Variants in ADAM12 observed in about 807,000 individuals in gnomAD.
The protein encoded by ADAM12 is ADAM metallopeptidase domain 12.
A neutral mutation model predicts 106.4 loss-of-function variants in ADAM12; 70 were observed. The observed-to-expected ratio is 0.66, with a 90% CI of 0.54 to 0.80. The LOEUF (loss-of-function observed/expected upper bound fraction) is 0.80, where lower values mean the gene tolerates loss of function less well. ADAM12 is among the 30% of genes least tolerant of loss of function. ADAM12 has a pLI of 0.00. For missense variants in ADAM12, 1,010 were observed against 1,171.9 expected (o/e 0.86, Z 2.02); for synonymous variants, 420 against 433.5 (o/e 0.97, Z 0.39).
chr10:126,237,818 C>T (rs1022913008), intron 3 of ADAM12, among the ~76,000 whole-genome samples: 1 of 152,210 alleles, frequency 6.6e-6, no homozygotes, highest in Non-Finnish European at 1.5e-5. Flanking sequence ...TGCAAATCCT[C>T]TCTCCAGCCC....
At chr10:126,212,299 G>A (rs1368222066) in intron 3 of ADAM12, among the ~76,000 whole-genome samples, 2 of 152,184 alleles carry the variant, frequency 1.3e-5, no homozygotes, top group Non-Finnish European at 2.9e-5. Flanking sequence ...GGGTTAATTA[G>A]AATTTGGAAA....
chr10:126,198,880 AGAG>A lies in ADAM12; in HGVS notation c.261-43578_261-43576del, dbSNP rs554112458. Among the ~76,000 whole-genome samples the A allele has an allele frequency of 1.7e-3, 253 of 152,334 alleles. 1 individual carries two copies. The highest frequency in any genetic ancestry group is 5.8e-3 in the African/African-American group (243 of 41,586). Reference sequence around the variant, plus strand: ...AGAAACTCCCAGCTGTGGTGAGAAAAGAGGAGAACATTTTTCAAGAGGGGAAGA... The same window carrying A: ...AGAAACTCCCAGCTGTGGTGAGAAAAGAGAACATTTTTCAAGAGGGGAAGA... On this transcript the variant is annotated intron_variant, in intron 3 of 22. Transcript: ENST00000448723.
chr10:126,218,107 A>G (rs1326375023), intron 3 of ADAM12, among the ~76,000 whole-genome samples: 1 of 151,754 alleles, frequency 6.6e-6, no homozygotes, highest in African/African-American at 2.4e-5. Context: ...TAGGAATAAC[A>G]GTGACATGAT....
chr10:126,122,417 G>A (rs1317686079), intron 5 of ADAM12, among the ~76,000 whole-genome samples: 1 of 152,092 alleles, frequency 6.6e-6, no homozygotes, highest in East Asian at 1.9e-4. Flanking sequence ...AGGTAGGAGA[G>A]GATTTTTGTT....
intron 9 of ADAM12, 107 bp downstream of exon 9, chr10:126,100,965 G>C: frequency 8.1e-7 from 1 of 1,232,116 alleles, no homozygotes; most frequent in South Asian, 1.5e-5. Flanking sequence ...GCACAAGGCA[G>C]TGTGCTCTGC....
At chr10:126,027,414 AT>A (rs1953894607) in intron 21 of ADAM12, among the ~76,000 whole-genome samples, 1 of 139,672 alleles carries the variant, frequency 7.2e-6, no homozygotes, top group Non-Finnish European at 1.6e-5. Flanking sequence ...CCTGGGAGAG[AT>A]AAAAAAAAAC....
At chr10:126,329,818 T>G (rs1195202745) in intron 2 of ADAM12, among the ~76,000 whole-genome samples, 2 of 152,250 alleles carry the variant, frequency 1.3e-5, no homozygotes, top group Non-Finnish European at 2.9e-5. Flanking sequence ...AGAGCTCATA[T>G]TTCCATAGAT....
At chr10:126,204,942 C>T (rs889791907) in intron 3 of ADAM12, among the ~76,000 whole-genome samples, 2 of 152,204 alleles carry the variant, frequency 1.3e-5, no homozygotes, top group South Asian at 2.1e-4. Flanking sequence ...ATGAGAACCA[C>T]GTTTGCCAAG....
chr10:126,330,541 A>C, intron 1 of ADAM12, 32 bp from the exon 2 acceptor site: 10 of 1,580,154 alleles, frequency 6.3e-6, no homozygotes, highest in African/African-American at 1.4e-5. Context: ...CCTATATTTC[A>C]CTCTAGTCAG....
At chr10:126,246,534 C>T (rs1444533854) in intron 3 of ADAM12, among the ~76,000 whole-genome samples, 1 of 152,200 alleles carries the variant, frequency 6.6e-6, no homozygotes, top group Admixed American at 6.5e-5. Context: ...AGCTTATCCA[C>T]CACAATCAAG....
chr10:126,230,010 C>T (rs1451935543), intron 3 of ADAM12, among the ~76,000 whole-genome samples: 1 of 152,160 alleles, frequency 6.6e-6, no homozygotes, highest in Non-Finnish European at 1.5e-5. Context: ...TTGGCCAATT[C>T]CTACCTGCCC....
intron 3 of ADAM12, among the ~76,000 whole-genome samples, chr10:126,226,135 A>G (rs766467737): frequency 1.1e-4 from 16 of 139,514 alleles, no homozygotes; most frequent in Non-Finnish European, 2.5e-4. Context: ...GTTAAAGGTG[A>G]CGGCCCAGCA....
intron 21 of ADAM12, among the ~76,000 whole-genome samples, chr10:126,022,827 C>A (rs1590295923): frequency 6.6e-6 from 1 of 152,194 alleles, no homozygotes; most frequent in African/African-American, 2.4e-5. Flanking sequence ...TAACTTCTTC[C>A]AGATATTGAA....
rs577815986 is a variant in ADAM12, at chr10:126,029,968, T to C, written c.2529+6178A>G. Among the ~76,000 whole-genome samples the C allele has an allele frequency of 9.8e-5, 15 of 152,316 alleles. No homozygotes were observed. The Middle Eastern group carries it at 0.01, about 104-fold the overall frequency. ...TCAAATTTCTAAATGCATATGACTTTTGCACAGCAATTGTGCTTTCAGGAA... is the reference window on the plus strand; with the variant it reads ...TCAAATTTCTAAATGCATATGACTTCTGCACAGCAATTGTGCTTTCAGGAA... On this transcript the variant is annotated intron_variant, in intron 21 of 22. Coordinates refer to ENST00000448723, the MANE Select transcript of ADAM12 (RefSeq NM_001288973.2).
intron 4 of ADAM12, among the ~76,000 whole-genome samples, chr10:126,136,790 G>A (rs1956413342): frequency 6.6e-6 from 1 of 152,140 alleles, no homozygotes; most frequent in African/African-American, 2.4e-5. Context: ...ATGAAAGGAG[G>A]GTGATAGGGT....
chr10:126,049,303 T>C lies in ADAM12; in HGVS notation c.1867A>G (p.Met623Val). Residue 623 changes from methionine (M) to valine (V), a missense_variant, in exon 16 of 23, where the codon ATG becomes GTG. Physicochemically the swap from Met to Val is conservative, Grantham distance 21. Around this residue, in one of 3 missense-constraint regions of ADAM12, gnomAD observed 615 missense variants for 708.5 expected, o/e 0.87. Coordinates refer to ENST00000448723, the MANE Select transcript of ADAM12 (RefSeq NM_001288973.2). This position sits in a 1 kb window ranked among gnomAD's most constrained non-coding sequence, Gnocchi z 4.4. ...RGTHVYLGDD[M>V]PDPGLVLAGT... ...GCAAGCACAAGCCCTGGGTCCGGCATGTCATCGCCCAAGTACACGTGGGTC... is the reference window on the plus strand; with the variant it reads ...GCAAGCACAAGCCCTGGGTCCGGCACGTCATCGCCCAAGTACACGTGGGTC... The C allele has an allele frequency of 6.2e-7, 1 of 1,614,252 alleles. No individual in the cohort carries two copies. Among genetic ancestry groups the C allele is most frequent in the Non-Finnish European group, 8.5e-7 (1 of 1,180,040 alleles).
chr10:126,111,905 T>TAA (rs111568228), intron 6 of ADAM12, among the ~76,000 whole-genome samples: 2 of 152,118 alleles, frequency 1.3e-5, no homozygotes, highest in African/African-American at 4.8e-5. Flanking sequence ...GCTGTCCAGT[T>TAA]AAAAAAACAA....
At chr10:126,138,036 TTTCCCCACATA>T (rs1956438357) in intron 4 of ADAM12, among the ~76,000 whole-genome samples, 1 of 152,228 alleles carries the variant, frequency 6.6e-6, no homozygotes, top group Non-Finnish European at 1.5e-5. Context: ...AGGGCTCTAA[TTTCCCCACATA>T]TTCACCAACA....
chr10:126,170,277 C>T (rs1957095739), intron 3 of ADAM12, among the ~76,000 whole-genome samples: 1 of 152,082 alleles, frequency 6.6e-6, no homozygotes, highest in Non-Finnish European at 1.5e-5. Flanking sequence ...ACCATCGTGG[C>T]CAGGAGACAG....
Sources: gnomAD v4.1 joint callset for allele counts (sites outside exome capture counted in the v4.1 genomes callset) on GRCh38, gnomAD v4.1.1 for gene constraint, gnomAD v4.1.1 regional missense constraint, Gnocchi (gnomAD v3.1) non-coding constraint, MANE v1.5 for transcripts, NCBI Gene and HGNC (gene_info 2026-07-23, HGNC 2026-07-21) for gene names.